Variants in TYR observed in about 807,000 individuals in gnomAD.
TYR encodes LB24-AB.
A neutral mutation model predicts 51.5 loss-of-function variants in TYR; 58 were observed. The ratio of observed to expected loss-of-function variants is 1.13; its 90% CI spans 0.91 to 1.40. The LOEUF is 1.40. TYR is among the 40% of genes most tolerant of loss of function. The pLI, the probability that TYR is intolerant of heterozygous loss-of-function variation, is 0.00. For synonymous variants in TYR, 263 were observed against 235.2 expected (o/e 1.12, Z -1.08); for missense variants, 732 against 647.4 (o/e 1.13, Z -1.42).
intron 2 of TYR, among the ~76,000 whole-genome samples, chr11:89,210,510 G>C (rs1943739792): frequency 6.6e-6 from 1 of 152,220 alleles, no homozygotes; most frequent in Admixed American, 6.5e-5. Context: ...ACCTGAAAGT[G>C]ATGACGAGAA....
chr11:89,271,160 C>T (rs1944584264), intron 3 of TYR, among the ~76,000 whole-genome samples: 1 of 150,992 alleles, frequency 6.6e-6, no homozygotes, highest in African/African-American at 2.4e-5. Flanking sequence ...TCTATACTTA[C>T]TCTATGCTAC....
chr11:89,196,962 T>C (rs1385533495), intron 2 of TYR, among the ~76,000 whole-genome samples: 1 of 152,152 alleles, frequency 6.6e-6, no homozygotes, highest in Non-Finnish European at 1.5e-5. Flanking sequence ...AAGCTCACCA[T>C]CAAGTGAAGA....
At chr11:89,271,734 A>G (rs1394260564) in intron 3 of TYR, among the ~76,000 whole-genome samples, 2 of 151,942 alleles carry the variant, frequency 1.3e-5, no homozygotes, top group African/African-American at 4.8e-5. Context: ...CCTACAGTAG[A>G]ACTTCTTGCA....
At chr11:89,236,324 A>G (rs897981515) in intron 3 of TYR, among the ~76,000 whole-genome samples, 2 of 152,052 alleles carry the variant, frequency 1.3e-5, no homozygotes, top group South Asian at 2.1e-4. Flanking sequence ...CATTAAATTC[A>G]ATGTCTGTAG....
intron 2 of TYR, among the ~76,000 whole-genome samples, chr11:89,223,923 T>G (rs1943945056): frequency 6.7e-6 from 1 of 148,628 alleles, no homozygotes; most frequent in Admixed American, 6.7e-5. Flanking sequence ...TTTTTTTTTC[T>G]TAATAATATT....
chr11:89,236,567 A>T (rs1944116817), intron 3 of TYR, among the ~76,000 whole-genome samples: 1 of 152,210 alleles, frequency 6.6e-6, no homozygotes, highest in Admixed American at 6.5e-5. Flanking sequence ...TTCAATTATC[A>T]TTATACAGAA....
chr11:89,292,767 A>G (rs943850517), intron 4 of TYR, among the ~76,000 whole-genome samples: 4 of 152,178 alleles, frequency 2.6e-5, no homozygotes, highest in Admixed American at 6.5e-5. Context: ...ATGCAAGTCA[A>G]TACATTACAA....
At chr11:89,210,167 T>A (rs1943733635) in intron 2 of TYR, among the ~76,000 whole-genome samples, 1 of 151,794 alleles carries the variant, frequency 6.6e-6, no homozygotes, top group African/African-American at 2.4e-5. Context: ...ATAACAAACA[T>A]CTCCGAGCTA....
intron 1 of TYR, among the ~76,000 whole-genome samples, chr11:89,188,507 G>T (rs7116716): frequency 6.6e-6 from 1 of 152,016 alleles, no homozygotes; most frequent in East Asian, 1.9e-4. Flanking sequence ...GGAGGAGTGG[G>T]AAAGTAGGGA....
At chr11:89,202,249 G>T (rs572035525) in intron 2 of TYR, among the ~76,000 whole-genome samples, 2 of 152,154 alleles carry the variant, frequency 1.3e-5, no homozygotes, top group African/African-American at 4.8e-5. Flanking sequence ...TAGTCACCTT[G>T]CTTCTCTCTC....
chr11:89,281,266 C>A (rs1371573531), intron 3 of TYR, among the ~76,000 whole-genome samples: 1 of 151,660 alleles, frequency 6.6e-6, no homozygotes, highest in East Asian at 1.9e-4. Flanking sequence ...GAATTCTCTT[C>A]CTGAAACTGG....
chr11:89,189,257 G>A (rs1004184376), intron 1 of TYR, among the ~76,000 whole-genome samples: 1 of 151,960 alleles, frequency 6.6e-6, no homozygotes, highest in Non-Finnish European at 1.5e-5. Flanking sequence ...GAAGCGAAAT[G>A]TATTGTTTTG....
intron 3 of TYR, among the ~76,000 whole-genome samples, chr11:89,242,471 A>C (rs1333618283): frequency 2.0e-5 from 3 of 152,066 alleles, no homozygotes; most frequent in African/African-American, 7.2e-5. Flanking sequence ...CGGCCTTCCA[A>C]AGTGCTGGGA....
chr11:89,233,624 T>C (rs1242156258), intron 3 of TYR, among the ~76,000 whole-genome samples: 1 of 142,000 alleles, frequency 7.0e-6, no homozygotes, highest in Non-Finnish European at 1.5e-5. Context: ...GGCTGCAACA[T>C]AGATACGTGT....
chr11:89,265,861 T>C (rs1944520391), intron 3 of TYR, among the ~76,000 whole-genome samples: 2 of 152,066 alleles, frequency 1.3e-5, no homozygotes, highest in South Asian at 2.1e-4. Flanking sequence ...TACTTTAGTT[T>C]GTCAATTTTT....
In TYR at chr11:89,273,633, G is replaced by C. The variant is rs1944616749; in HGVS notation, c.1185-11140G>C. ...ATGTCACTGACAGACTTCTGCAATT[G>C]GGGCTGCCACAAACCTTCAATTCGT... is the stretch of plus-strand genomic sequence containing the variant. On this transcript the variant is annotated intron_variant, in intron 3 of 4. Coordinates refer to ENST00000263321, the MANE Select transcript of TYR (RefSeq NM_000372.5). Among the ~76,000 whole-genome samples the C allele has an allele frequency of 2.0e-5, 3 of 151,986 alleles. No individual in the cohort carries two copies. The South Asian group carries it at 6.2e-4, about 32-fold the overall frequency.
chr11:89,280,207 C>T (rs1484533019), intron 3 of TYR, among the ~76,000 whole-genome samples: 1 of 151,650 alleles, frequency 6.6e-6, no homozygotes, highest in Non-Finnish European at 1.5e-5. Flanking sequence ...TAGAACCTGC[C>T]GTTTCTTCGA....
intron 4 of TYR, among the ~76,000 whole-genome samples, chr11:89,285,271 C>T (rs1220904038): frequency 6.6e-6 from 1 of 151,684 alleles, no homozygotes. Flanking sequence ...CTGGGAAATT[C>T]ACTCTACATC....
intron 1 of TYR, among the ~76,000 whole-genome samples, chr11:89,184,778 T>C (rs922237769): frequency 6.6e-6 from 1 of 152,188 alleles, no homozygotes; most frequent in Admixed American, 6.5e-5. Flanking sequence ...TTAGCCAGAA[T>C]TGAAGTTGCA....
Sources: gnomAD v4.1 joint callset for allele counts (sites outside exome capture counted in the v4.1 genomes callset) on GRCh38, gnomAD v4.1.1 for gene constraint, MANE v1.5 for transcripts, NCBI Gene and HGNC (gene_info 2026-07-23, HGNC 2026-07-21) for gene names.